KCNN2: variants seen among roughly 807,000 people sequenced by gnomAD.
The protein encoded by KCNN2 is potassium calcium-activated channel subfamily N member 2, also known as small conductance calcium-activated potassium channel protein 2.
A neutral mutation model predicts 55.5 loss-of-function variants in KCNN2; 24 were observed. That is an observed-to-expected ratio of 0.43 (90% CI 0.31 to 0.61). KCNN2 has a LOEUF of 0.61. Ranked by LOEUF, KCNN2 falls within the 20% of genes least tolerant of loss-of-function variation. The pLI is 0.08. For synonymous variants in KCNN2, 431 were observed against 336.1 expected, an observed-to-expected ratio of 1.28 and a Z score of -3.09; for missense variants, 754 against 853.6, an observed-to-expected ratio of 0.88 and a Z score of 1.45.
At chr5:114,317,231 A>ATTT (rs1164491163) in intron 2 of KCNN2, among the ~76,000 whole-genome samples, 5 of 145,658 alleles carry the variant, frequency 3.4e-5, no homozygotes, top group African/African-American at 1.3e-4. Context: ...TATTGATCCA[A>ATTT]TTTTTTTTTT....
At chr5:114,142,398 C>T (rs1476466541) in intron 1 of KCNN2, among the ~76,000 whole-genome samples, 1 of 152,106 alleles carries the variant, frequency 6.6e-6, no homozygotes, top group East Asian at 1.9e-4. Context: ...AATCCTTTCC[C>T]CATTTCTTGT....
chr5:114,385,517 G>GCACACA (rs201674964), intron 2 of KCNN2, among the ~76,000 whole-genome samples: 84 of 88,972 alleles, frequency 9.4e-4, no homozygotes, highest in Middle Eastern at 6.0e-3. Flanking sequence ...ACACACATGC[G>GCACACA]CGCACACACA....
At chr5:114,287,604 G>A (rs1337399787) in intron 2 of KCNN2, among the ~76,000 whole-genome samples, 1 of 151,798 alleles carries the variant, frequency 6.6e-6, no homozygotes, top group East Asian at 1.9e-4. Flanking sequence ...GTCGGGGGAT[G>A]GGGGGCAAGG....
chr5:114,436,431 A>G (rs1580832898), intron 3 of KCNN2, among the ~76,000 whole-genome samples: 1 of 152,192 alleles, frequency 6.6e-6, no homozygotes, highest in South Asian at 2.1e-4. Flanking sequence ...TAGAGCAACA[A>G]ATGCCTCAGA....
chr5:114,326,494 G>C (rs1756716560), intron 2 of KCNN2, among the ~76,000 whole-genome samples: 1 of 152,160 alleles, frequency 6.6e-6, no homozygotes, highest in Admixed American at 6.5e-5. Flanking sequence ...CTTCCAGATA[G>C]GGAGTGCCAT....
At chr5:114,074,675 G>A (rs904918685) in intron 1 of KCNN2, among the ~76,000 whole-genome samples, 2 of 152,170 alleles carry the variant, frequency 1.3e-5, no homozygotes, top group Non-Finnish European at 1.5e-5. Context: ...TAAGTGAGAG[G>A]CTGGTTCTGG....
chr5:114,272,304 TCAC>T (rs1334558547), intron 2 of KCNN2, among the ~76,000 whole-genome samples: 23 of 58,834 alleles, frequency 3.9e-4, no homozygotes, highest in South Asian at 1.5e-3. Context: ...TATGTACATA[TCAC>T]ACACACACAT....
intron 2 of KCNN2, among the ~76,000 whole-genome samples, chr5:114,276,088 C>G (rs1470742050): frequency 6.6e-6 from 1 of 152,032 alleles, no homozygotes; most frequent in Non-Finnish European, 1.5e-5. Flanking sequence ...CGTTATGTAT[C>G]CAGTAGTCAC....
chr5:114,487,484 A>G (rs1415745347), intron 6 of KCNN2, among the ~76,000 whole-genome samples: 2 of 152,182 alleles, frequency 1.3e-5, no homozygotes, highest in African/African-American at 4.8e-5. Flanking sequence ...AGTTTGCTCT[A>G]GGATTTTTTC....
intron 1 of KCNN2, among the ~76,000 whole-genome samples, chr5:114,092,062 T>C (rs1189273651): frequency 1.3e-5 from 2 of 152,186 alleles, no homozygotes; most frequent in African/African-American, 2.4e-5. Flanking sequence ...AACCCAAAAG[T>C]CCAAGTCTAT....
intron 6 of KCNN2, among the ~76,000 whole-genome samples, chr5:114,490,178 A>C (rs1561417504): frequency 6.6e-6 from 1 of 152,174 alleles, no homozygotes; most frequent in Non-Finnish European, 1.5e-5. Context: ...ATGGACCAAC[A>C]TGAATTTGTT....
chr5:114,494,323 T>C (rs1050988800), intron 7 of KCNN2, among the ~76,000 whole-genome samples: 12 of 151,436 alleles, frequency 7.9e-5, no homozygotes, highest in Non-Finnish European at 1.5e-4. Flanking sequence ...CCATAAAAAT[T>C]ACAAGTATTT....
intron 1 of KCNN2, among the ~76,000 whole-genome samples, chr5:114,162,792 C>T (rs547324105): frequency 2.6e-5 from 4 of 152,228 alleles, no homozygotes; most frequent in African/African-American, 9.6e-5. Context: ...GGCACAGGAC[C>T]CTCCGAGCCA....
intron 4 of KCNN2, among the ~76,000 whole-genome samples, chr5:114,466,723 G>T (rs1487647002): frequency 1.3e-5 from 2 of 151,850 alleles, no homozygotes; most frequent in Non-Finnish European, 2.9e-5. Flanking sequence ...TTTAAATATC[G>T]AGTAATATCT....
chr5:114,180,563 T>G (rs114545759), intron 1 of KCNN2, among the ~76,000 whole-genome samples: 4,714 of 152,236 alleles, frequency 0.031, 253 homozygotes, highest in African/African-American at 0.11. Context: ...GCAAAAATAC[T>G]TTTTATTATC....
rs371612113 is a variant in KCNN2, at chr5:114,249,333, G to T, written c.-185+27768G>T. Among the ~76,000 whole-genome samples, 8 of 149,532 alleles carry T rather than the reference G, an allele frequency of 5.4e-5. No individual in the cohort carries two copies. The South Asian group carries it at 1.7e-3, about 32-fold the overall frequency. Reference sequence around the variant, plus strand: ...GAATCTGGCTCTGTCACCTAGGCTGGGTGGAGTGCAGTTGTGTGATTGTGG... The same window carrying T: ...GAATCTGGCTCTGTCACCTAGGCTGTGTGGAGTGCAGTTGTGTGATTGTGG... On this transcript the variant is annotated intron_variant, in intron 2 of 10. Transcript: ENST00000512097.
chr5:114,112,930 C>A (rs1296175163), intron 1 of KCNN2, among the ~76,000 whole-genome samples: 2 of 152,020 alleles, frequency 1.3e-5, no homozygotes, highest in East Asian at 3.9e-4. Flanking sequence ...ATTTTTATAT[C>A]TGAAAACTTG....
intron 1 of KCNN2, among the ~76,000 whole-genome samples, chr5:114,142,015 T>C (rs561330239): frequency 6.6e-6 from 1 of 152,332 alleles, no homozygotes; most frequent in South Asian, 2.1e-4. Context: ...GAGTTCTTTG[T>C]AGATTCTGGA....
At chr5:114,403,776 C>T (rs955373687) in intron 2 of KCNN2, among the ~76,000 whole-genome samples, 13 of 152,026 alleles carry the variant, frequency 8.6e-5, no homozygotes, top group Non-Finnish European at 7.4e-5. Context: ...TAAGGAATGA[C>T]AGAAACAGGA....
Sources: allele counts gnomAD v4.1 joint callset (sites outside exome capture counted in the v4.1 genomes callset), GRCh38; gene constraint gnomAD v4.1.1; transcripts MANE v1.5; gene names NCBI Gene and HGNC (gene_info 2026-07-23, HGNC 2026-07-21).